The following CTNNBIP1 variants were observed in gnomAD, a reference collection of about 807,000 sequenced individuals.
The protein encoded by CTNNBIP1 is beta-catenin-interacting protein 1.
In CTNNBIP1, 7 loss-of-function variants were observed where a neutral mutation model predicts 11.8. That is an observed-to-expected ratio of 0.60 (90% CI 0.34 to 1.12). CTNNBIP1 has a LOEUF of 1.12. CTNNBIP1 is among the 50% of genes most tolerant of loss of function. CTNNBIP1 has a pLI of 0.03. For missense variants in CTNNBIP1, 101 were observed against 113.4 expected, an observed-to-expected ratio of 0.89 and a Z score of 0.50; for synonymous variants, 58 against 43.9, an observed-to-expected ratio of 1.32 and a Z score of -1.26.
intron 1 of CTNNBIP1, among the ~76,000 whole-genome samples, chr1:9,905,129 G>T (rs982275834): frequency 6.6e-6 from 1 of 152,100 alleles, no homozygotes; most frequent in African/African-American, 2.4e-5. Flanking sequence ...TATTCTCCTA[G>T]ACCCCAGGAA....
At chr1:9,877,718 A>G (rs938997574) in intron 3 of CTNNBIP1, among the ~76,000 whole-genome samples, 187 bp downstream of exon 3, 1 of 152,050 alleles carries the variant, frequency 6.6e-6, no homozygotes, top group Non-Finnish European at 1.5e-5. Flanking sequence ...AATCAGCAGC[A>G]CCCTAACATT....
At chr1:9,860,643 G>A (rs886901419) in intron 5 of CTNNBIP1, among the ~76,000 whole-genome samples, 452 of 144,864 alleles carry the variant, frequency 3.1e-3, no homozygotes, top group Non-Finnish European at 5.0e-3. Context: ...AAAGAAAAAA[G>A]AATCAGGATT....
chr1:9,899,883 A>G (rs1175589798), intron 1 of CTNNBIP1, among the ~76,000 whole-genome samples: 1 of 151,420 alleles, frequency 6.6e-6, no homozygotes, highest in Admixed American at 6.6e-5. Flanking sequence ...AGACCAGCCT[A>G]GCCAACATGG....
rs1638332267 is a variant in CTNNBIP1, at chr1:9,849,598, C to T, written c.*1120G>A. The T allele has an allele frequency of 6.6e-6, 1 of 152,254 alleles. No individual in the cohort carries two copies. The highest frequency in any genetic ancestry group is 2.4e-5 in the African/African-American group (1 of 41,458). 9.4% of individuals were successfully genotyped at this position (152,254 alleles called of 1,614,324 possible). A position where few individuals can be genotyped will look rare whatever the true frequency, so the allele number is the denominator to read the frequency against. On this transcript the variant is annotated 3_prime_UTR_variant, in exon 6 of 6. Transcript: ENST00000377263. ...CCAGAGACCTCCGCCAGATGACCTC[C>T]AGAGTCTTTGGGGTCTCACACTGGG...
In CTNNBIP1 at chr1:9,851,139, C is replaced by T. The variant is rs990455524; in HGVS notation, c.188-363G>A. 6.6e-6 allele frequency among the ~76,000 whole-genome samples: 1 copy of T among 152,166 alleles called. No individual in the cohort carries two copies. The highest frequency in any genetic ancestry group is 2.4e-5 in the African/African-American group (1 of 41,454). On this transcript the variant is annotated intron_variant, in intron 5 of 5. Transcript: ENST00000377263. This position sits in a 1 kb window ranked among gnomAD's most constrained non-coding sequence, Gnocchi z 4.8. The stretch of plus-strand genomic sequence containing the variant: ...TTACCAAAGCCAGAGGCGGGGTGGC[C>T]CTTGGGAACCTCCCTCTTTCTTCTC...
chr1:9,905,537 C>T (rs986803577), intron 1 of CTNNBIP1, among the ~76,000 whole-genome samples: 5 of 152,058 alleles, frequency 3.3e-5, no homozygotes, highest in African/African-American at 1.2e-4. Context: ...ATTCTCCTGC[C>T]TCAGCCTCCT....
At chr1:9,864,774 C>G (rs927224954) in intron 5 of CTNNBIP1, among the ~76,000 whole-genome samples, 1 of 152,232 alleles carries the variant, frequency 6.6e-6, no homozygotes, top group African/African-American at 2.4e-5. Flanking sequence ...AGAAGAGACC[C>G]GGAGCTCTCA....
chr1:9,882,254 G>A (rs1219398404), intron 2 of CTNNBIP1, among the ~76,000 whole-genome samples: 1 of 152,192 alleles, frequency 6.6e-6, no homozygotes, highest in Non-Finnish European at 1.5e-5. Flanking sequence ...AACAATTACT[G>A]AGCATCTATT....
At chr1:9,905,589 AT>A (rs1215484495) in intron 1 of CTNNBIP1, among the ~76,000 whole-genome samples, 399 of 143,070 alleles carry the variant, frequency 2.8e-3, no homozygotes, top group Middle Eastern at 7.4e-3. Context: ...TGCCCGGCTA[AT>A]TTTTTTTTTT....
intron 5 of CTNNBIP1, among the ~76,000 whole-genome samples, chr1:9,868,875 A>G (rs941082788): frequency 3.3e-5 from 5 of 152,162 alleles, no homozygotes; most frequent in Non-Finnish European, 5.9e-5. Flanking sequence ...GCCTCAGGTG[A>G]TCTGCCCACC....
intron 2 of CTNNBIP1, among the ~76,000 whole-genome samples, chr1:9,878,453 G>A (rs1485300736): frequency 6.6e-6 from 1 of 152,220 alleles, no homozygotes; most frequent in Non-Finnish European, 1.5e-5. Flanking sequence ...TCTGTGCTCA[G>A]TGCATGTATA....
chr1:9,870,574 G>A (rs946281089), intron 5 of CTNNBIP1, among the ~76,000 whole-genome samples: 7 of 152,190 alleles, frequency 4.6e-5, no homozygotes, highest in Non-Finnish European at 8.8e-5. Flanking sequence ...AATACAAATA[G>A]TAGCTACCTA....
chr1:9,891,778 T>C (rs999266457), intron 1 of CTNNBIP1, among the ~76,000 whole-genome samples: 2 of 142,112 alleles, frequency 1.4e-5, no homozygotes, highest in South Asian at 2.2e-4. Context: ...CCCATCTCTT[T>C]AAATTTTTTT....
Position 9,871,113 on chromosome 1 carries a change from G to T in CTNNBIP1, c.187+74C>A. 4 of 1,158,240 alleles carry T rather than the reference G, an allele frequency of 3.5e-6. No individual in the cohort carries two copies. The highest frequency in any genetic ancestry group is 3.7e-6 in the Non-Finnish European group (3 of 808,646). 71.7% of individuals were successfully genotyped at this position (1,158,240 alleles called of 1,614,324 possible). A position where few individuals can be genotyped will look rare whatever the true frequency, so the allele number is the denominator to read the frequency against. On this transcript the variant is annotated intron_variant, in intron 5 of 5. Transcript: ENST00000377263. This position sits in a 1 kb window ranked among gnomAD's most constrained non-coding sequence, Gnocchi z 5.2. Reference sequence around the variant, plus strand: ...ACCCATCAAAGAGGGCTGGAGCTACGCTTTCTAAGGGAACCACAAGTCGGT... The same window carrying T: ...ACCCATCAAAGAGGGCTGGAGCTACTCTTTCTAAGGGAACCACAAGTCGGT...
chr1:9,906,418 C>T (rs534373867), intron 1 of CTNNBIP1, among the ~76,000 whole-genome samples: 101 of 152,108 alleles, frequency 6.6e-4, no homozygotes, highest in Non-Finnish European at 1.2e-3. Context: ...ATTAGCCAGA[C>T]GTGGTGGCAC....
Position 9,871,687 on chromosome 1 carries a change from G to A in CTNNBIP1, c.96+282C>T, listed in dbSNP as rs574042819. ...CTGCCCCCTGGGAGAGAAGACTTTCGGGCTTGTGAGGGGGAGAAAAGGAAG... is the reference window on the plus strand; with the variant it reads ...CTGCCCCCTGGGAGAGAAGACTTTCAGGCTTGTGAGGGGGAGAAAAGGAAG... On this transcript the variant is annotated intron_variant, in intron 4 of 5. Transcript: ENST00000377263. This position sits in a 1 kb window ranked among gnomAD's most constrained non-coding sequence, Gnocchi z 5.2. 2.0e-5 allele frequency among the ~76,000 whole-genome samples: 3 copies of A among 152,224 alleles called. No homozygotes were observed. The highest frequency in any genetic ancestry group is 3.9e-4 in the East Asian group (2 of 5,164).
At chr1:9,906,312 C>CT (rs1639618778) in intron 1 of CTNNBIP1, among the ~76,000 whole-genome samples, 1 of 152,104 alleles carries the variant, frequency 6.6e-6, no homozygotes, top group Non-Finnish European at 1.5e-5. Flanking sequence ...AATCCCAACA[C>CT]TTTAGGAGGC....
chr1:9,886,914 C>G (rs929094290), intron 1 of CTNNBIP1, among the ~76,000 whole-genome samples: 11 of 152,178 alleles, frequency 7.2e-5, no homozygotes, highest in African/African-American at 2.7e-4. Context: ...GGAGCAACCG[C>G]CTTAATTAAT....
intron 5 of CTNNBIP1, among the ~76,000 whole-genome samples, chr1:9,854,746 C>T (rs1434651724): frequency 6.6e-6 from 1 of 151,990 alleles, no homozygotes; most frequent in African/African-American, 2.4e-5. Flanking sequence ...GCATAATCTT[C>T]ACTGACTGCA....
Sources: gnomAD v4.1 joint callset for allele counts (sites outside exome capture counted in the v4.1 genomes callset) on GRCh38, gnomAD v4.1.1 for gene constraint, Gnocchi (gnomAD v3.1) non-coding constraint, MANE v1.5 for transcripts, NCBI Gene and HGNC (gene_info 2026-07-23, HGNC 2026-07-21) for gene names.